The following PPP2R5C variants were observed in gnomAD, a reference collection of about 807,000 sequenced individuals.
PPP2R5C encodes the protein serine/threonine-protein phosphatase 2A 56 kDa regulatory subunit gamma isoform.
A neutral mutation model predicts 68.9 loss-of-function variants in PPP2R5C; 7 were observed. The ratio of observed to expected loss-of-function variants is 0.10; its 90% confidence interval spans 0.06 to 0.19. PPP2R5C has a LOEUF of 0.19. Ranked by LOEUF, PPP2R5C falls within the 10% of genes least tolerant of loss-of-function variation. The pLI, the probability that PPP2R5C is intolerant of heterozygous loss-of-function variation, is 1.00. For synonymous variants in PPP2R5C, 210 were observed against 222.2 expected (o/e 0.95, Z 0.49); for missense variants, 348 against 641.3 (o/e 0.54, Z 4.94).
In PPP2R5C at chr14:101,917,501, C is replaced by G. The variant is rs1202952384; in HGVS notation, c.1327-330C>G. ...GTGAGACAGCTCCCACCACCGAGCC[C>G]AGGGTGCGACCTCGCACTTGGCTGC... On this transcript the variant is annotated intron_variant, in intron 12 of 13. Transcript: ENST00000334743. This position sits in a 1 kb window ranked among gnomAD's most constrained non-coding sequence, Gnocchi z 4.4. 6.6e-6 allele frequency among the ~76,000 whole-genome samples: 1 copy of G among 152,152 alleles called. No individual in the cohort carries two copies. Among genetic ancestry groups the G allele is most frequent in the Non-Finnish European group, 1.5e-5 (1 of 68,006 alleles).
intron 1 of PPP2R5C, among the ~76,000 whole-genome samples, chr14:101,828,240 G>A (rs2040519001): frequency 6.6e-6 from 1 of 152,198 alleles, no homozygotes; most frequent in Non-Finnish European, 1.5e-5. Context: ...GGGGCTGCGG[G>A]GAGGGAGGAA....
At chr14:101,818,876 T>TGA in intron 1 of PPP2R5C, 1 of 779,622 alleles carries the variant, frequency 1.3e-6, no homozygotes, top group Non-Finnish European at 2.1e-6. Context: ...TCGATGTATG[T>TGA]GACCTCGTTA....
At chr14:101,801,966 CTG>C (rs2038879485) in intron 3 of PPP2R5C, among the ~76,000 whole-genome samples, 1 of 152,212 alleles carries the variant, frequency 6.6e-6, no homozygotes, top group Non-Finnish European at 1.5e-5. Context: ...GTAATCAAGA[CTG>C]TGTAGTACTG....
rs1378150954 is a variant in PPP2R5C at position 101,917,112 on chromosome 14, C to T, written c.1327-719C>T. ...TCATGGAACCCTCACAGCCACCCTC[C>T]GGGGTGACCTTACCCCCGCACTACA... is the stretch of plus-strand genomic sequence containing the variant. On this transcript the variant is annotated intron_variant, in intron 12 of 13. Coordinates refer to ENST00000334743, the Ensembl canonical transcript of PPP2R5C. This position sits in a 1 kb window ranked among gnomAD's most constrained non-coding sequence, Gnocchi z 4.4. Among the ~76,000 whole-genome samples the T allele has an allele frequency of 2.0e-5, 3 of 152,114 alleles. No homozygotes were observed. Among genetic ancestry groups the T allele is most frequent in the African/African-American group, 4.8e-5 (2 of 41,422 alleles).
chr14:101,775,948 G>A (rs1280399272), intron 2 of PPP2R5C, among the ~76,000 whole-genome samples: 1 of 152,046 alleles, frequency 6.6e-6, no homozygotes, highest in Non-Finnish European at 1.5e-5. Flanking sequence ...GAAGGGGAGG[G>A]AACGACTTCC....
intron 5 of PPP2R5C, among the ~76,000 whole-genome samples, chr14:101,884,224 G>A (rs2044340636): frequency 1.3e-5 from 2 of 152,174 alleles, no homozygotes; most frequent in East Asian, 1.9e-4. Flanking sequence ...GCCCTTCCAC[G>A]TTCCTCTGCC....
intron 10 of PPP2R5C, 57 bp from the exon 13 acceptor site, chr14:101,909,532 G>A: frequency 8.2e-7 from 1 of 1,226,176 alleles, no homozygotes; most frequent in African/African-American, 1.5e-5. Flanking sequence ...AGAGTGGAGA[G>A]GCGAGGGCTC....
In PPP2R5C at chr14:101,825,146, CAA is replaced by C. The variant is rs1171090554; in HGVS notation, c.94+15111_94+15112del. 1.3e-5 allele frequency among the ~76,000 whole-genome samples: 2 copies of C among 151,150 alleles called. No homozygotes were observed. Among genetic ancestry groups the C allele is most frequent in the Non-Finnish European group, 2.9e-5 (2 of 67,918 alleles). Reference sequence around the variant, plus strand: ...TTTGTTTTGGTTCCAGGATGAAACTCAAGAGATACAGAAGAAACTGAAAGTGA... The same window carrying C: ...TTTGTTTTGGTTCCAGGATGAAACTCGAGATACAGAAGAAACTGAAAGTGA... On this transcript the variant is annotated intron_variant, in intron 1 of 13. Coordinates refer to ENST00000334743, the Ensembl canonical transcript of PPP2R5C. This position sits in a 1 kb window ranked among gnomAD's most constrained non-coding sequence, Gnocchi z 4.0.
chr14:101,872,746 C>T (rs2043508530), intron 2 of PPP2R5C, among the ~76,000 whole-genome samples: 1 of 152,098 alleles, frequency 6.6e-6, no homozygotes, highest in Admixed American at 6.5e-5. Flanking sequence ...TTATGATGGG[C>T]CTTGGCATGG....
At chr14:101,785,499 T>C (rs528847798) in intron 2 of PPP2R5C, among the ~76,000 whole-genome samples, 1 of 152,300 alleles carries the variant, frequency 6.6e-6, no homozygotes, top group Non-Finnish European at 1.5e-5. Flanking sequence ...AACCCAGCCA[T>C]GTAGCATCTT....
intron 2 of PPP2R5C, among the ~76,000 whole-genome samples, chr14:101,776,027 C>G (rs1006845448): frequency 2.7e-5 from 4 of 147,774 alleles, no homozygotes; most frequent in South Asian, 4.5e-4. Flanking sequence ...ATTGTGCCCC[C>G]CCCCCACTCC....
intron 8 of PPP2R5C, among the ~76,000 whole-genome samples, chr14:101,895,400 G>T (rs59070929): frequency 6.6e-6 from 1 of 151,928 alleles, no homozygotes; most frequent in Non-Finnish European, 1.5e-5. Context: ...ATAGTGTTGC[G>T]CAACCATCAC....
intron 8 of PPP2R5C, among the ~76,000 whole-genome samples, chr14:101,898,694 G>C (rs1454918777): frequency 1.3e-5 from 2 of 152,090 alleles, no homozygotes; most frequent in African/African-American, 4.8e-5. Flanking sequence ...GTTCCCACCC[G>C]GGGACACTTC....
At chr14:101,785,661 T>TTG (rs2038058251) in intron 2 of PPP2R5C, among the ~76,000 whole-genome samples, 5 of 152,220 alleles carry the variant, frequency 3.3e-5, no homozygotes, top group Non-Finnish European at 7.3e-5. Context: ...CTGAATCCCA[T>TTG]CTGCAGAGTC....
intron 2 of PPP2R5C, among the ~76,000 whole-genome samples, chr14:101,881,655 T>C (rs1260111281): frequency 6.6e-6 from 1 of 152,236 alleles, no homozygotes; most frequent in Admixed American, 6.5e-5. Context: ...CGTCCCACTC[T>C]GACTGTTGCT....
rs529034283 is a variant in PPP2R5C at position 101,901,528 on chromosome 14, G to C, written c.853-191G>C. Among the ~76,000 whole-genome samples, 6 of 152,320 alleles carry C rather than the reference G, an allele frequency of 3.9e-5. No homozygotes were observed. In the South Asian group the frequency reaches 1.2e-3, roughly 32 times the overall value. On this transcript the variant is annotated intron_variant, in intron 8 of 13. Transcript: ENST00000334743. ...GATTGATCAGATAGATAACCAGACA[G>C]ACAGACCTACTTCTCAAATACAGAA...
chr14:101,764,038 C>CGCGCGCGCGCGCGCGCGGGT (rs140548459), intron 2 of PPP2R5C, among the ~76,000 whole-genome samples: 27 of 152,040 alleles, frequency 1.8e-4, no homozygotes, highest in East Asian at 5.8e-4. Context: ...TGGGCGCGCG[C>CGCGCGCGCGCGCGCGCGGGT]ACTTGCGCGT....
chr14:101,849,229 G>A (rs1486544172), intron 1 of PPP2R5C, among the ~76,000 whole-genome samples: 1 of 152,208 alleles, frequency 6.6e-6, no homozygotes, highest in Non-Finnish European at 1.5e-5. Flanking sequence ...CCTCGGTTGT[G>A]ATGGACGTGT....
chr14:101,894,799 T>C (rs750164352), intron 8 of PPP2R5C, among the ~76,000 whole-genome samples: 3 of 152,238 alleles, frequency 2.0e-5, no homozygotes, highest in Non-Finnish European at 2.9e-5. Flanking sequence ...TGTCCCTCGT[T>C]GCACTTTACT....
Sources: allele counts gnomAD v4.1 joint callset (sites outside exome capture counted in the v4.1 genomes callset), GRCh38; gene constraint gnomAD v4.1.1; non-coding constraint Gnocchi (gnomAD v3.1); transcripts MANE v1.5; gene names NCBI Gene and HGNC (gene_info 2026-07-23, HGNC 2026-07-21).